ROBO2: variants seen among roughly 807,000 people sequenced by gnomAD.
The protein encoded by ROBO2 is roundabout homolog 2.
Under a neutral mutation model 160.8 loss-of-function variants are expected in ROBO2, and 53 were observed. The ratio of observed to expected loss-of-function variants is 0.33; its 90% confidence interval spans 0.26 to 0.41. The LOEUF is 0.41. Ranked by LOEUF, ROBO2 falls within the 10% of genes least tolerant of loss-of-function variation. The pLI is 1.00. For synonymous variants in ROBO2, 664 were observed against 611.7 expected, an observed-to-expected ratio of 1.09 and a Z score of -1.26; for missense variants, 1,577 against 1,722.4, an observed-to-expected ratio of 0.92 and a Z score of 1.49.
chr3:76,552,496 T>C (rs2083477669), intron 2 of ROBO2, among the ~76,000 whole-genome samples: 1 of 152,230 alleles, frequency 6.6e-6, no homozygotes, highest in South Asian at 2.1e-4. Context: ...ACAGCTTTCT[T>C]TTTCATATAA....
intron 21 of ROBO2, among the ~76,000 whole-genome samples, chr3:77,616,194 C>T (rs1247279048): frequency 3.4e-4 from 51 of 152,020 alleles, no homozygotes; most frequent in Admixed American, 3.3e-3. Context: ...TTTGAAGTGA[C>T]TGGTTGAAGG....
At chr3:76,603,327 ATCTC>A (rs1394594585) in intron 2 of ROBO2, among the ~76,000 whole-genome samples, 4 of 76,772 alleles carry the variant, frequency 5.2e-5, no homozygotes, top group African/African-American at 1.8e-4. Context: ...GCGAGACTCC[ATCTC>A]CAAAAAAAAA....
chr3:76,137,467 T>C (rs761161257), intron 2 of ROBO2, among the ~76,000 whole-genome samples: 12 of 152,030 alleles, frequency 7.9e-5, no homozygotes, highest in Non-Finnish European at 1.5e-4. Context: ...ATTGTAATAA[T>C]TCAGATGATT....
intron 1 of ROBO2, among the ~76,000 whole-genome samples, chr3:77,051,219 T>A (rs2065199613): frequency 6.6e-6 from 1 of 152,102 alleles, no homozygotes; most frequent in Non-Finnish European, 1.5e-5. Flanking sequence ...CCTTTCTGAT[T>A]TGAAAGCCTG....
chr3:77,516,651 A>G (rs2090052026), intron 5 of ROBO2, among the ~76,000 whole-genome samples: 2 of 148,962 alleles, frequency 1.3e-5, no homozygotes, highest in African/African-American at 4.9e-5. Flanking sequence ...GTAGATTGCC[A>G]CTCAAATTGC....
At chr3:76,570,982 A>G (rs2084919111) in intron 2 of ROBO2, among the ~76,000 whole-genome samples, 1 of 152,198 alleles carries the variant, frequency 6.6e-6, no homozygotes, top group South Asian at 2.1e-4. Flanking sequence ...AAAATGTTCT[A>G]AAACTTATGT....
At chr3:77,566,119 T>C (rs2093472299) in intron 12 of ROBO2, among the ~76,000 whole-genome samples, 1 of 152,124 alleles carries the variant, frequency 6.6e-6, no homozygotes, top group Non-Finnish European at 1.5e-5. Flanking sequence ...AATATTATTA[T>C]AATTACAATG....
At chr3:77,248,736 C>G (rs1414362427) in intron 2 of ROBO2, among the ~76,000 whole-genome samples, 2 of 151,300 alleles carry the variant, frequency 1.3e-5, no homozygotes, top group African/African-American at 4.9e-5. Flanking sequence ...AGTTCCCGCC[C>G]ACGAAGGGGG....
chr3:77,112,418 AT>A (rs2073741895), intron 2 of ROBO2, among the ~76,000 whole-genome samples: 1 of 151,690 alleles, frequency 6.6e-6, no homozygotes, highest in Non-Finnish European at 1.5e-5. Context: ...TAATTTTTGT[AT>A]TTTTAGTGGA....
chr3:76,289,851 T>C (rs1708716582), intron 2 of ROBO2, among the ~76,000 whole-genome samples: 1 of 152,200 alleles, frequency 6.6e-6, no homozygotes, highest in Admixed American at 6.5e-5. Context: ...TTAGTCAATG[T>C]GTCTATTTTT....
At chr3:77,367,028 A>G (rs958968437) in intron 2 of ROBO2, among the ~76,000 whole-genome samples, 1 of 152,122 alleles carries the variant, frequency 6.6e-6, no homozygotes, top group Non-Finnish European at 1.5e-5. Context: ...TTGTAGCAAT[A>G]CATTGCACTG....
chr3:76,563,767 CATA>C (rs369219753), intron 2 of ROBO2, among the ~76,000 whole-genome samples: 2 of 152,078 alleles, frequency 1.3e-5, no homozygotes, highest in African/African-American at 2.4e-5. Flanking sequence ...TATATGTTAT[CATA>C]ATAAGAAAGT....
At chr3:76,167,894 C>T (rs1195632729) in intron 2 of ROBO2, among the ~76,000 whole-genome samples, 2 of 152,166 alleles carry the variant, frequency 1.3e-5, no homozygotes, top group Non-Finnish European at 2.9e-5. Context: ...TACTCTGCAT[C>T]AGTGTGTAAG....
intron 2 of ROBO2, among the ~76,000 whole-genome samples, chr3:76,407,900 A>G (rs1212395565): frequency 6.6e-6 from 1 of 151,584 alleles, no homozygotes; most frequent in Non-Finnish European, 1.5e-5. Flanking sequence ...ACATGTTGTA[A>G]CCTTTCTTAA....
rs140670462 is a variant in ROBO2 at position 76,657,039 on chromosome 3, T to C, written c.110-440975T>C. 4.5e-3 allele frequency among the ~76,000 whole-genome samples: 684 copies of C among 152,310 alleles called. 5 individuals carry two copies. The highest frequency in any genetic ancestry group is 7.1e-3 in the Non-Finnish European group (484 of 68,020). On this transcript the variant is annotated intron_variant, in intron 2 of 26. Coordinates refer to the ROBO2 transcript ENST00000487694. ...CCTTGCTTAGTTTTCCTTTTTCTCT[T>C]TAGATTTCTTATCTTGGATTCCTCT...
At chr3:76,877,772 T>C (rs750396712) in intron 2 of ROBO2, among the ~76,000 whole-genome samples, 3 of 152,188 alleles carry the variant, frequency 2.0e-5, no homozygotes, top group Non-Finnish European at 4.4e-5. Flanking sequence ...AAGATCAGGG[T>C]GCCAGAATGG....
chr3:76,463,383 C>CAAAAT (rs1553762892), intron 2 of ROBO2, among the ~76,000 whole-genome samples: 2 of 151,068 alleles, frequency 1.3e-5, no homozygotes, highest in Admixed American at 6.6e-5. Flanking sequence ...GAAAAAAAAA[C>CAAAAT]AAAATAAAAA....
intron 2 of ROBO2, among the ~76,000 whole-genome samples, chr3:76,005,986 A>G (rs2066010540): frequency 6.6e-6 from 1 of 152,190 alleles, no homozygotes; most frequent in Non-Finnish European, 1.5e-5. Context: ...AGACTTAAAA[A>G]TCTGTACAAA....
At chr3:77,148,324 A>T (rs1410482979) in intron 2 of ROBO2, among the ~76,000 whole-genome samples, 1 of 152,228 alleles carries the variant, frequency 6.6e-6, no homozygotes, top group Non-Finnish European at 1.5e-5. Context: ...GTTTAAGCAG[A>T]GGACATACTG....
Sources: allele counts gnomAD v4.1 joint callset (sites outside exome capture counted in the v4.1 genomes callset), GRCh38; gene constraint gnomAD v4.1.1; transcripts MANE v1.5; gene names NCBI Gene and HGNC (gene_info 2026-07-23, HGNC 2026-07-21).